Variants in TAFA1 observed in about 807,000 individuals in gnomAD.
TAFA1 encodes the protein chemokine-like protein TAFA-1.
TAFA1 carries 4 observed loss-of-function variants against 18.5 expected under a neutral mutation model. The ratio of observed to expected loss-of-function variants is 0.22; its 90% CI spans 0.11 to 0.49. TAFA1 has a LOEUF of 0.49. Among genes scored for constraint, TAFA1 ranks in the 20% least tolerant of loss-of-function variants. The probability of loss-of-function intolerance (pLI) is 0.98; values close to 1 mark genes in which losing one functional copy is unlikely to be tolerated. For missense variants in TAFA1, 147 were observed against 169.0 expected (o/e 0.87, Z 0.72); for synonymous variants, 56 against 55.2 (o/e 1.01, Z -0.06).
chr3:68,122,278 C>T (rs1441238447), intron 2 of TAFA1, among the ~76,000 whole-genome samples: 1 of 152,106 alleles, frequency 6.6e-6, no homozygotes, highest in Admixed American at 6.6e-5. Flanking sequence ...ATATGGCCAG[C>T]ATTTCATGTT....
chr3:68,304,017 T>C (rs1393397987), intron 2 of TAFA1, among the ~76,000 whole-genome samples: 1 of 152,156 alleles, frequency 6.6e-6, no homozygotes, highest in Non-Finnish European at 1.5e-5. Context: ...AATTGAAGTG[T>C]AGTAATAGTT....
chr3:68,475,511 A>G (rs1575902027), intron 3 of TAFA1, among the ~76,000 whole-genome samples: 3 of 152,302 alleles, frequency 2.0e-5, no homozygotes, highest in African/African-American at 7.2e-5. Flanking sequence ...ATGGCTGCGT[A>G]GTATTCCATG....
intron 2 of TAFA1, among the ~76,000 whole-genome samples, chr3:68,374,256 C>G (rs143320791): frequency 6.6e-6 from 1 of 152,206 alleles, no homozygotes; most frequent in African/African-American, 2.4e-5. Flanking sequence ...CCACTCCTGG[C>G]CAATCCACTG....
At chr3:68,534,003 A>G (rs901635235) in intron 3 of TAFA1, among the ~76,000 whole-genome samples, 5 of 152,176 alleles carry the variant, frequency 3.3e-5, no homozygotes, top group Non-Finnish European at 7.3e-5. Context: ...CACTGTGAAG[A>G]AAACTAAAAT....
At chr3:68,526,217 C>T (rs2073110008) in intron 3 of TAFA1, among the ~76,000 whole-genome samples, 1 of 152,086 alleles carries the variant, frequency 6.6e-6, no homozygotes, top group African/African-American at 2.4e-5. Context: ...TTTGAACTTC[C>T]CTTTAATCTA....
intron 2 of TAFA1, among the ~76,000 whole-genome samples, chr3:68,332,186 G>T (rs1416833088): frequency 6.6e-6 from 1 of 151,508 alleles, no homozygotes; most frequent in Non-Finnish European, 1.5e-5. Context: ...TCAATAAATG[G>T]TGTTAGGAAG....
At chr3:68,158,518 T>G (rs1479648258) in intron 2 of TAFA1, among the ~76,000 whole-genome samples, 2 of 151,362 alleles carry the variant, frequency 1.3e-5, no homozygotes, top group Non-Finnish European at 2.9e-5. Context: ...AGCTTGGAGA[T>G]GGCTATGAGG....
intron 2 of TAFA1, among the ~76,000 whole-genome samples, chr3:68,358,997 G>A (rs1292360899): frequency 6.6e-6 from 1 of 151,900 alleles, no homozygotes; most frequent in South Asian, 2.1e-4. Context: ...GCCACTTTTT[G>A]TCCTGGGTCT....
chr3:68,352,711 G>A (rs766292979), intron 2 of TAFA1, among the ~76,000 whole-genome samples: 2 of 152,068 alleles, frequency 1.3e-5, no homozygotes, highest in Non-Finnish European at 2.9e-5. Context: ...GAAGGCAGAT[G>A]CCACTGCCAC....
At chr3:68,490,532 C>T (rs1040412797) in intron 3 of TAFA1, among the ~76,000 whole-genome samples, 1 of 152,068 alleles carries the variant, frequency 6.6e-6, no homozygotes, top group Non-Finnish European at 1.5e-5. Flanking sequence ...TCAAGCAAGA[C>T]AACATATCAT....
chr3:68,462,295 G>A (rs2071799105), intron 3 of TAFA1, among the ~76,000 whole-genome samples: 1 of 152,128 alleles, frequency 6.6e-6, no homozygotes, highest in Non-Finnish European at 1.5e-5. Flanking sequence ...CATGGCGCGG[G>A]ATGGACCTGG....
At chr3:68,365,869 C>G (rs2069558706) in intron 2 of TAFA1, among the ~76,000 whole-genome samples, 1 of 151,978 alleles carries the variant, frequency 6.6e-6, no homozygotes, top group South Asian at 2.1e-4. Flanking sequence ...GGGCGGATCA[C>G]AAGGTCAGGA....
intron 2 of TAFA1, among the ~76,000 whole-genome samples, chr3:68,028,882 T>A (rs6548930): frequency 0.2 from 30,686 of 152,002 alleles, 3,711 homozygotes; most frequent in Non-Finnish European, 0.28. Context: ...GCCTCCTGAG[T>A]AGCTGAGACT....
intron 2 of TAFA1, among the ~76,000 whole-genome samples, chr3:68,103,520 A>G (rs1411449844): frequency 6.6e-6 from 1 of 152,164 alleles, no homozygotes; most frequent in Non-Finnish European, 1.5e-5. Context: ...ATTTGCATGC[A>G]TTTGTTTTAT....
intron 2 of TAFA1, among the ~76,000 whole-genome samples, chr3:68,347,843 T>A (rs973464288): frequency 6.6e-6 from 1 of 152,196 alleles, no homozygotes; most frequent in African/African-American, 2.4e-5. Flanking sequence ...CTGCAACTTG[T>A]TCAGGATAAT....
At chr3:68,234,849 G>A (rs1323306080) in intron 2 of TAFA1, among the ~76,000 whole-genome samples, 1 of 152,194 alleles carries the variant, frequency 6.6e-6, no homozygotes, top group Non-Finnish European at 1.5e-5. Context: ...GGCAGAGCAG[G>A]TGACTTTTGA....
intron 3 of TAFA1, among the ~76,000 whole-genome samples, chr3:68,521,759 G>GA (rs1156782801): frequency 6.6e-6 from 1 of 150,974 alleles, no homozygotes; most frequent in African/African-American, 2.4e-5. Flanking sequence ...GATAGGGAAG[G>GA]AAAAAACCTA....
chr3:68,378,802 G>A (rs544453356), intron 2 of TAFA1, among the ~76,000 whole-genome samples: 57 of 152,126 alleles, frequency 3.7e-4, no homozygotes, highest in Non-Finnish European at 3.2e-4. Flanking sequence ...TGATTGTTTC[G>A]TTTCGTAAGC....
At chr3:68,194,976 T>C (rs543691287) in intron 2 of TAFA1, among the ~76,000 whole-genome samples, 6 of 151,826 alleles carry the variant, frequency 4.0e-5, no homozygotes, top group African/African-American at 1.4e-4. Flanking sequence ...TTTTTCGGTA[T>C]GCCCATTTAA....
Sources: gnomAD v4.1 joint callset for allele counts (sites outside exome capture counted in the v4.1 genomes callset) on GRCh38, gnomAD v4.1.1 for gene constraint, MANE v1.5 for transcripts, NCBI Gene and HGNC (gene_info 2026-07-23, HGNC 2026-07-21) for gene names.